Variants in SLC39A10 observed in about 807,000 individuals in gnomAD.
The protein encoded by SLC39A10 is zinc transporter ZIP10.
A neutral mutation model predicts 65.1 loss-of-function variants in SLC39A10; 13 were observed. That is an observed-to-expected ratio of 0.20 (90% CI 0.13 to 0.32). The LOEUF (loss-of-function observed/expected upper bound fraction) is 0.32. Ranked by LOEUF, SLC39A10 falls within the 10% of genes least tolerant of loss-of-function variation. The pLI is 1.00. For missense variants in SLC39A10, 831 were observed against 1,018.4 expected (o/e 0.82, Z 2.50); for synonymous variants, 321 against 342.2 (o/e 0.94, Z 0.68).
chr2:195,696,761 A>C (rs1293877123), intron 3 of SLC39A10, among the ~76,000 whole-genome samples: 1 of 152,144 alleles, frequency 6.6e-6, no homozygotes, highest in African/African-American at 2.4e-5. Flanking sequence ...TATATTGTAT[A>C]TTCTTAGAAT....
intron 1 of SLC39A10, among the ~76,000 whole-genome samples, chr2:195,659,334 A>G (rs1689289164): frequency 6.6e-6 from 1 of 152,192 alleles, no homozygotes; most frequent in Admixed American, 6.5e-5. Flanking sequence ...TTTAAATTCT[A>G]ACTGCTTAAA....
At chr2:195,704,200 C>T (rs1691306837) in intron 3 of SLC39A10, among the ~76,000 whole-genome samples, 1 of 151,946 alleles carries the variant, frequency 6.6e-6, no homozygotes, top group Non-Finnish European at 1.5e-5. Context: ...ACTGGCTTTT[C>T]CAAGTAGTTT....
chr2:195,705,490 T>G (rs1691367109), intron 3 of SLC39A10, among the ~76,000 whole-genome samples: 1 of 152,216 alleles, frequency 6.6e-6, no homozygotes, highest in Non-Finnish European at 1.5e-5. Flanking sequence ...ATTGATAAAG[T>G]TCAGCCTTTA....
In SLC39A10 at chr2:195,722,963, GAC is replaced by G. The variant is rs577264105; in HGVS notation, c.2146+4635_2146+4636del. Among the ~76,000 whole-genome samples, 231 of 152,260 alleles carry G rather than the reference GAC, an allele frequency of 1.5e-3. 1 individual carries two copies. Among genetic ancestry groups the G allele is most frequent in the Non-Finnish European group, 2.9e-3 (195 of 68,018 alleles). ...GTTTTTCCCGTGGTATATTCACTGAGACACAGAATTGAAAACAAGTTGTTTTA... is the reference window on the plus strand; with the variant it reads ...GTTTTTCCCGTGGTATATTCACTGAGACAGAATTGAAAACAAGTTGTTTTA... On this transcript the variant is annotated intron_variant, in intron 8 of 9. Coordinates refer to ENST00000359634, the MANE Select transcript of SLC39A10 (RefSeq NM_020342.3).
chr2:195,731,461 C>A (rs575157955), intron 9 of SLC39A10, among the ~76,000 whole-genome samples: 2 of 152,144 alleles, frequency 1.3e-5, no homozygotes, highest in Non-Finnish European at 2.9e-5. Flanking sequence ...ACTTATTTAT[C>A]GTGTTCATTG....
chr2:195,729,214 C>T (rs1692349500), intron 9 of SLC39A10, among the ~76,000 whole-genome samples: 1 of 151,760 alleles, frequency 6.6e-6, no homozygotes, highest in Admixed American at 6.6e-5. Context: ...ACTCCTGGGC[C>T]CAAGCAGTCT....
chr2:195,709,440 C>T (rs1360775996), intron 5 of SLC39A10, among the ~76,000 whole-genome samples: 2 of 152,074 alleles, frequency 1.3e-5, no homozygotes, highest in Non-Finnish European at 2.9e-5. Flanking sequence ...CCATGTTGGC[C>T]AGGGTGGTCT....
intron 3 of SLC39A10, among the ~76,000 whole-genome samples, chr2:195,692,184 A>G (rs1436475743): frequency 6.6e-6 from 1 of 152,012 alleles, no homozygotes; most frequent in East Asian, 1.9e-4. Flanking sequence ...TGGTTTCTCT[A>G]TTCTGTTCCA....
chr2:195,694,588 C>A (rs1282440225), intron 3 of SLC39A10, among the ~76,000 whole-genome samples: 1 of 152,196 alleles, frequency 6.6e-6, no homozygotes, highest in South Asian at 2.1e-4. Context: ...GCAGAGAGAC[C>A]TGTGGTGTGA....
At chr2:195,712,469 A>C (rs554057207) in intron 5 of SLC39A10, among the ~76,000 whole-genome samples, 17 of 152,378 alleles carry the variant, frequency 1.1e-4, no homozygotes, top group Admixed American at 9.8e-4. Flanking sequence ...CTTATGCAGC[A>C]GTTAGACGAC....
chr2:195,667,826 T>C (rs1452122026), intron 1 of SLC39A10, among the ~76,000 whole-genome samples: 1 of 152,142 alleles, frequency 6.6e-6, no homozygotes, highest in East Asian at 1.9e-4. Flanking sequence ...ATACGAGAAG[T>C]AGGGACAGAA....
At chr2:195,650,685 A>C (rs1689013183) in intron 2 of SLC39A10, among the ~76,000 whole-genome samples, 1 of 152,092 alleles carries the variant, frequency 6.6e-6, no homozygotes, top group African/African-American at 2.4e-5. Flanking sequence ...TTTTTGTGTC[A>C]ATTGTTTCAT....
chr2:195,626,597 T>TA (rs912992327), intron 2 of SLC39A10, among the ~76,000 whole-genome samples: 27 of 151,136 alleles, frequency 1.8e-4, no homozygotes, highest in Admixed American at 4.6e-4. Flanking sequence ...TATATTATCT[T>TA]AAAAAAAAAC....
chr2:195,672,906 CAG>C lies in SLC39A10; in HGVS notation c.-11-7125_-11-7124del, dbSNP rs1689925315. ...ATCAAGGTAACTGCAGGGAGTGTAA[CAG>C]GGAGCTAAAGGAATATGTATCTTCC... On this transcript the variant is annotated intron_variant, in intron 1 of 9. Transcript: ENST00000359634. Among the ~76,000 whole-genome samples, 5 of 152,158 alleles carry C rather than the reference CAG, an allele frequency of 3.3e-5. No homozygotes were observed. In the South Asian group the frequency reaches 1.0e-3, roughly 31 times the overall value.
chr2:195,675,717 C>T (rs988898574), intron 1 of SLC39A10, among the ~76,000 whole-genome samples: 3 of 152,132 alleles, frequency 2.0e-5, no homozygotes, highest in African/African-American at 7.2e-5. Flanking sequence ...CAGGCGTGAG[C>T]CACCATGCCT....
At chr2:195,724,493 C>A (rs1692164884) in intron 8 of SLC39A10, among the ~76,000 whole-genome samples, 1 of 152,060 alleles carries the variant, frequency 6.6e-6, no homozygotes, top group Non-Finnish European at 1.5e-5. Flanking sequence ...TGAAATAATT[C>A]ACTTGATACA....
At position 195,680,988 on chromosome 2, in the gene SLC39A10, G is replaced by A. The variant is rs781521958; in HGVS notation, c.946G>A (p.Val316Ile). 23 of 1,613,488 alleles carry A rather than the reference G, an allele frequency of 1.4e-5. 1 individual carries two copies. The Admixed American group carries it at 3.7e-4, about 26-fold the overall frequency. The change falls in exon 2 of 10, where the codon GTT becomes ATT. Residue 316 changes from valine to isoleucine, a missense_variant. Physicochemically the swap from Val to Ile is conservative, Grantham distance 29. Transcript: ENST00000359634. The stretch of plus-strand genomic sequence containing the variant: ...TACTAGAAAGAGAGAAGCACCACAT[G>A]TTAAAAATAATGCAATAATTTCTTT... ...RHTRKREAPHVKNNAIISLRK... is the reference protein window; with the variant it reads ...RHTRKREAPHIKNNAIISLRK...
intron 3 of SLC39A10, among the ~76,000 whole-genome samples, chr2:195,701,223 A>T (rs1691170347): frequency 6.6e-6 from 1 of 151,638 alleles, no homozygotes; most frequent in Non-Finnish European, 1.5e-5. Flanking sequence ...CTCTCTAGTG[A>T]ATTTTTCATT....
chr2:195,708,002 T>A (rs1440240138), intron 4 of SLC39A10, among the ~76,000 whole-genome samples: 1 of 152,178 alleles, frequency 6.6e-6, no homozygotes, highest in Non-Finnish European at 1.5e-5. Flanking sequence ...CATTTATGAT[T>A]GCTAAAGCTT....
Sources: allele counts gnomAD v4.1 joint callset (sites outside exome capture counted in the v4.1 genomes callset), GRCh38; gene constraint gnomAD v4.1.1; transcripts MANE v1.5; gene names NCBI Gene and HGNC (gene_info 2026-07-23, HGNC 2026-07-21).